SEPTIN10: variants seen among roughly 807,000 people sequenced by gnomAD.
SEPTIN10 encodes septin 10, also known as septin-10.
A neutral mutation model predicts 54.8 loss-of-function variants in SEPTIN10; 66 were observed. The ratio of observed to expected loss-of-function variants is 1.21; its 90% CI spans 0.99 to 1.48. The LOEUF (loss-of-function observed/expected upper bound fraction) is 1.48. Ranked by LOEUF, SEPTIN10 falls within the 40% of genes most tolerant of loss-of-function variation. The pLI, the probability that SEPTIN10 is intolerant of heterozygous loss-of-function variation, is 0.00. For missense variants in SEPTIN10, 620 were observed against 545.6 expected, an observed-to-expected ratio of 1.14 and a Z score of -1.36; for synonymous variants, 161 against 181.0, an observed-to-expected ratio of 0.89 and a Z score of 0.89.
At chr2:109,605,062 T>C (rs1211670823) in intron 1 of SEPTIN10, 1 of 152,222 alleles carries the variant, frequency 6.6e-6, no homozygotes, top group Non-Finnish European at 1.5e-5. Flanking sequence ...TTTTACATTA[T>C]CAAAAACAAA....
At chr2:109,610,102 T>A (rs1445728522) in intron 1 of SEPTIN10, among the ~76,000 whole-genome samples, 2 of 151,786 alleles carry the variant, frequency 1.3e-5, no homozygotes, top group African/African-American at 4.8e-5. Context: ...GGTGTTTTTT[T>A]TTTTTTAGAC....
At chr2:109,546,867 C>T (rs1681389428) in intron 9 of SEPTIN10, among the ~76,000 whole-genome samples, 1 of 152,074 alleles carries the variant, frequency 6.6e-6, no homozygotes, top group Non-Finnish European at 1.5e-5. Context: ...AAAACATTGC[C>T]TACATAGCCA....
At chr2:109,571,657 T>C (rs1391867796) in intron 5 of SEPTIN10, among the ~76,000 whole-genome samples, 1 of 152,230 alleles carries the variant, frequency 6.6e-6, no homozygotes, top group Non-Finnish European at 1.5e-5. Flanking sequence ...AGTTTTGCAC[T>C]GCAAGACTGT....
At chr2:109,599,221 G>GTTACC (rs1290790833) in intron 1 of SEPTIN10, among the ~76,000 whole-genome samples, 22 of 152,252 alleles carry the variant, frequency 1.4e-4, no homozygotes, top group Middle Eastern at 6.8e-3. Context: ...ACTCTGGGAG[G>GTTACC]CCAAGACCGG....
intron 5 of SEPTIN10, among the ~76,000 whole-genome samples, chr2:109,570,893 C>T (rs1558774895): frequency 6.6e-6 from 1 of 152,144 alleles, no homozygotes. Flanking sequence ...AGGTTATATA[C>T]AGTCATGTGT....
At chr2:109,607,965 G>C (rs1698383950) in intron 1 of SEPTIN10, among the ~76,000 whole-genome samples, 1 of 152,182 alleles carries the variant, frequency 6.6e-6, no homozygotes, top group African/African-American at 2.4e-5. Context: ...GATTATGCTG[G>C]AGATGGGGAA....
At chr2:109,544,992 C>A (rs1680815596) in intron 10 of SEPTIN10, 1 of 985,226 alleles carries the variant, frequency 1.0e-6, no homozygotes, top group Non-Finnish European at 1.2e-6. Context: ...TGCCAAAGTC[C>A]TGTGGTTTAC....
intron 8 of SEPTIN10, among the ~76,000 whole-genome samples, chr2:109,553,767 T>C (rs942737670): frequency 2.6e-5 from 4 of 151,782 alleles, no homozygotes; most frequent in African/African-American, 9.7e-5. Flanking sequence ...GGCAGGAGAA[T>C]TGCTTGAGCC....
Position 109,596,414 on chromosome 2 carries a change from A to G in SEPTIN10, c.31-3295T>C, listed in dbSNP as rs1468613800. ...GGGTGGATCATGAGGTCAGGAGATC[A>G]AGACCATCCTGGCTAACACAGTGAA... is the stretch of plus-strand genomic sequence containing the variant. On this transcript the variant is annotated intron_variant, in intron 1 of 10. Coordinates refer to ENST00000397712, the MANE Select transcript of SEPTIN10 (RefSeq NM_144710.5). Among the ~76,000 whole-genome samples, 13 of 152,130 alleles carry G rather than the reference A, an allele frequency of 8.5e-5. No individual in the cohort carries two copies. The East Asian group carries it at 2.5e-3, about 29-fold the overall frequency.
At chr2:109,549,284 GGT>G (rs1682207572) in intron 9 of SEPTIN10, among the ~76,000 whole-genome samples, 1 of 152,158 alleles carries the variant, frequency 6.6e-6, no homozygotes, top group Non-Finnish European at 1.5e-5. Flanking sequence ...ATAGCTCTCT[GGT>G]TACTCAAATG....
Position 109,565,804 on chromosome 2 carries a change from T to C in SEPTIN10, c.818A>G (p.Lys273Arg). The C allele has an allele frequency of 2.5e-6, 4 of 1,614,126 alleles. No homozygotes were observed. The highest frequency in any genetic ancestry group is 3.4e-6 in the Non-Finnish European group (4 of 1,180,010). Residue 273 changes from lysine (K) to arginine (R), a missense_variant, in exon 7 of 11, where the codon AAG becomes AGG. Coordinates refer to ENST00000397712, the MANE Select transcript of SEPTIN10 (RefSeq NM_144710.5). Reference protein sequence around the residue: ...GSMDEVKVGNKMVKARQYPWG... With the variant: ...GSMDEVKVGNRMVKARQYPWG... Reference sequence around the variant, plus strand: ...AGGGTACTGGCGAGCTTTGACCATCTTGTTTCCGACTTTTACCTCATCCAT... The same window carrying C: ...AGGGTACTGGCGAGCTTTGACCATCCTGTTTCCGACTTTTACCTCATCCAT...
At chr2:109,549,055 T>C (rs77867867) in intron 9 of SEPTIN10, among the ~76,000 whole-genome samples, 1 of 152,198 alleles carries the variant, frequency 6.6e-6, no homozygotes, top group African/African-American at 2.4e-5. Flanking sequence ...TTCCTTAGTA[T>C]TTGCTTATTT....
chr2:109,549,621 CT>C (rs1374922877), intron 9 of SEPTIN10, among the ~76,000 whole-genome samples: 3 of 152,180 alleles, frequency 2.0e-5, no homozygotes, highest in Non-Finnish European at 2.9e-5. Context: ...CACCAATTCT[CT>C]TAAGAATATT....
chr2:109,600,185 C>A (rs886175817), intron 1 of SEPTIN10, among the ~76,000 whole-genome samples: 3 of 152,190 alleles, frequency 2.0e-5, no homozygotes, highest in Non-Finnish European at 4.4e-5. Context: ...GCTCTCACTG[C>A]TCAATTGGGC....
chr2:109,601,796 T>C (rs1696647345), intron 1 of SEPTIN10, among the ~76,000 whole-genome samples: 1 of 152,132 alleles, frequency 6.6e-6, no homozygotes, highest in Non-Finnish European at 1.5e-5. Context: ...AATCTTCCTT[T>C]ATGATGTCTT....
At chr2:109,599,390 G>A (rs915317260) in intron 1 of SEPTIN10, among the ~76,000 whole-genome samples, 6 of 151,482 alleles carry the variant, frequency 4.0e-5, no homozygotes, top group Non-Finnish European at 5.9e-5. Flanking sequence ...CTCAGGAGGC[G>A]GAGGTTGCAG....
intron 10 of SEPTIN10, chr2:109,544,806 C>T (rs1680764643): frequency 1.3e-6 from 1 of 757,834 alleles, no homozygotes; most frequent in South Asian, 6.0e-5. Flanking sequence ...TGCATGCCTA[C>T]TATGTACCAG....
intron 8 of SEPTIN10, among the ~76,000 whole-genome samples, chr2:109,558,631 G>A (rs34557890): frequency 0.45 from 69,083 of 151,966 alleles, 16,143 homozygotes; most frequent in African/African-American, 0.55. Flanking sequence ...TGACAAGCCT[G>A]CGATTGGTGC....
chr2:109,569,384 T>C (rs1687826848), intron 5 of SEPTIN10, among the ~76,000 whole-genome samples: 2 of 149,080 alleles, frequency 1.3e-5, no homozygotes, highest in Admixed American at 6.8e-5. Flanking sequence ...TGAGCCGAGA[T>C]CGCGTCATTG....
Sources: allele counts gnomAD v4.1 joint callset (sites outside exome capture counted in the v4.1 genomes callset), GRCh38; gene constraint gnomAD v4.1.1; transcripts MANE v1.5; gene names NCBI Gene and HGNC (gene_info 2026-07-23, HGNC 2026-07-21).